The following CPEB3 variants were observed in gnomAD, a reference collection of about 807,000 sequenced individuals.
The protein encoded by CPEB3 is cytoplasmic polyadenylation element binding protein 3.
Under a neutral mutation model 67.2 loss-of-function variants are expected in CPEB3, and 20 were observed. The observed-to-expected ratio is 0.30, with a 90% CI of 0.21 to 0.43. The LOEUF (loss-of-function observed/expected upper bound fraction) is 0.43, where lower values mean the gene tolerates loss of function less well. Among genes scored for constraint, CPEB3 ranks in the 20% least tolerant of loss-of-function variants. The probability of loss-of-function intolerance (pLI) is 1.00; values close to 1 mark genes in which losing one functional copy is unlikely to be tolerated. For missense variants in CPEB3, 746 were observed against 968.6 expected, an observed-to-expected ratio of 0.77 and a Z score of 3.05; for synonymous variants, 376 against 393.1, an observed-to-expected ratio of 0.96 and a Z score of 0.51.
At chr10:92,234,477 G>T (rs1851430571) in intron 2 of CPEB3, among the ~76,000 whole-genome samples, 1 of 151,970 alleles carries the variant, frequency 6.6e-6, no homozygotes, top group East Asian at 1.9e-4. Context: ...ATTCAGTCCA[G>T]CTTCTTACAT....
chr10:92,123,320 G>T (rs553746192), intron 6 of CPEB3, among the ~76,000 whole-genome samples: 1 of 152,172 alleles, frequency 6.6e-6, no homozygotes, highest in African/African-American at 2.4e-5. Context: ...CAGACTGGGG[G>T]TGTGGGAGAG....
At chr10:92,249,678 A>T (rs1307824854) in intron 1 of CPEB3, among the ~76,000 whole-genome samples, 3 of 151,270 alleles carry the variant, frequency 2.0e-5, no homozygotes, top group African/African-American at 7.3e-5. Context: ...AGTAAAAAAA[A>T]ATTAGAAATT....
intron 2 of CPEB3, among the ~76,000 whole-genome samples, chr10:92,208,626 CT>C (rs1476100079): frequency 1.3e-5 from 2 of 149,080 alleles, no homozygotes; most frequent in Non-Finnish European, 3.0e-5. Context: ...CAGAGTCTCA[CT>C]CTGTTGCCCA....
At chr10:92,269,496 G>T (rs1000911076) in intron 1 of CPEB3, among the ~76,000 whole-genome samples, 5 of 152,084 alleles carry the variant, frequency 3.3e-5, no homozygotes, top group East Asian at 1.9e-4. Context: ...TATACATGTT[G>T]CTGGAAAAGT....
At chr10:92,238,034 CTGTAA>C (rs1851624084) in intron 2 of CPEB3, among the ~76,000 whole-genome samples, 1 of 152,168 alleles carries the variant, frequency 6.6e-6, no homozygotes, top group Non-Finnish European at 1.5e-5. Context: ...CTCCAAACAT[CTGTAA>C]TGTAAAGAGA....
intron 1 of CPEB3, among the ~76,000 whole-genome samples, chr10:92,261,321 G>A (rs1381354580): frequency 6.6e-6 from 1 of 152,178 alleles, no homozygotes; most frequent in African/African-American, 2.4e-5. Flanking sequence ...TGTTCAGTGT[G>A]CCAGAAGGCT....
At chr10:92,092,895 A>G (rs1843681487) in intron 7 of CPEB3, among the ~76,000 whole-genome samples, 1 of 152,212 alleles carries the variant, frequency 6.6e-6, no homozygotes, top group South Asian at 2.1e-4. Context: ...AAGCAGAAAA[A>G]GAAATCTTTA....
intron 1 of CPEB3, among the ~76,000 whole-genome samples, chr10:92,267,823 G>T (rs1216778280): frequency 6.6e-6 from 1 of 152,060 alleles, no homozygotes; most frequent in South Asian, 2.1e-4. Context: ...CCTATAAAAT[G>T]TATTTATTTA....
intron 5 of CPEB3, among the ~76,000 whole-genome samples, chr10:92,144,542 G>A (rs1203927294): frequency 6.6e-6 from 1 of 152,118 alleles, no homozygotes; most frequent in African/African-American, 2.4e-5. Flanking sequence ...CTGGGATTAC[G>A]GGTGTGAACC....
At chr10:92,162,357 A>G (rs1847528649) in intron 4 of CPEB3, among the ~76,000 whole-genome samples, 1 of 152,090 alleles carries the variant, frequency 6.6e-6, no homozygotes, top group Admixed American at 6.5e-5. Context: ...AATTTGTGAT[A>G]CTACATTGAG....
At chr10:92,125,724 CTT>C (rs35409082) in intron 6 of CPEB3, among the ~76,000 whole-genome samples, 10 of 143,730 alleles carry the variant, frequency 7.0e-5, no homozygotes, top group Admixed American at 7.0e-5. Context: ...AGGAAACAGA[CTT>C]TTTTTTTTTT....
intron 1 of CPEB3, among the ~76,000 whole-genome samples, chr10:92,259,164 T>C (rs1321767318): frequency 6.6e-6 from 1 of 151,414 alleles, no homozygotes; most frequent in Non-Finnish European, 1.5e-5. Context: ...GGTTTCACCA[T>C]GTTGGCCAGG....
At chr10:92,090,266 CGTG>C (rs1843558971) in intron 8 of CPEB3, among the ~76,000 whole-genome samples, 1 of 152,138 alleles carries the variant, frequency 6.6e-6, no homozygotes, top group Admixed American at 6.5e-5. Flanking sequence ...TGTGGCTGGG[CGTG>C]GTGGCTCACG....
In CPEB3 at chr10:92,052,072, A is replaced by G. The variant is rs1841913333; in HGVS notation, c.*140T>C. On this transcript the variant is annotated 3_prime_UTR_variant, in exon 10 of 10. Coordinates refer to ENST00000265997, the MANE Select transcript of CPEB3 (RefSeq NM_014912.5). Reference sequence around the variant, plus strand: ...AATATGACTGTAAATAATAATAATAATAATAAAAAGACCCAATTCTTCTTT... The same window carrying G: ...AATATGACTGTAAATAATAATAATAGTAATAAAAAGACCCAATTCTTCTTT... 1.7e-6 allele frequency: 1 copy of G among 600,788 alleles called. No homozygotes were observed. The highest frequency in any genetic ancestry group is 3.0e-6 in the Non-Finnish European group (1 of 337,490). 37.2% of individuals were successfully genotyped at this position (600,788 alleles called of 1,614,324 possible). A position where few individuals can be genotyped will look rare whatever the true frequency, so the allele number is the denominator to read the frequency against.
At chr10:92,120,503 G>A (rs546984749) in intron 6 of CPEB3, among the ~76,000 whole-genome samples, 1 of 152,104 alleles carries the variant, frequency 6.6e-6, no homozygotes, top group Non-Finnish European at 1.5e-5. Flanking sequence ...AGAATGGCCA[G>A]AACCCAGGAG....
chr10:92,184,352 C>A (rs951650264), intron 3 of CPEB3, among the ~76,000 whole-genome samples: 6 of 152,312 alleles, frequency 3.9e-5, no homozygotes, highest in Admixed American at 3.9e-4. Flanking sequence ...CGCCTGTAAT[C>A]CCAACACTTT....
intron 7 of CPEB3, among the ~76,000 whole-genome samples, chr10:92,094,821 A>ACACG (rs1319391834): frequency 1.3e-5 from 2 of 151,758 alleles, no homozygotes; most frequent in Non-Finnish European, 2.9e-5. Flanking sequence ...ACACACACAC[A>ACACG]CACACACACA....
chr10:92,252,136 A>G (rs893992482), intron 1 of CPEB3, among the ~76,000 whole-genome samples: 3 of 152,102 alleles, frequency 2.0e-5, no homozygotes, highest in African/African-American at 7.2e-5. Flanking sequence ...AAGAATAGGC[A>G]AAAGATTTCA....
chr10:92,258,635 T>C (rs1221591733), intron 1 of CPEB3, among the ~76,000 whole-genome samples: 3 of 19,752 alleles, frequency 1.5e-4, no homozygotes, highest in Non-Finnish European at 2.2e-4. Context: ...AATATATATA[T>C]ATATATATAT....
Sources: gnomAD v4.1 joint callset for allele counts (sites outside exome capture counted in the v4.1 genomes callset) on GRCh38, gnomAD v4.1.1 for gene constraint, MANE v1.5 for transcripts, NCBI Gene and HGNC (gene_info 2026-07-23, HGNC 2026-07-21) for gene names.